TMEM232: variants seen among roughly 807,000 people sequenced by gnomAD.
The protein encoded by TMEM232 is transmembrane protein 232.
A neutral mutation model predicts 78.8 loss-of-function variants in TMEM232; 80 were observed. That is an observed-to-expected ratio of 1.01 (90% CI 0.85 to 1.22). TMEM232 has a LOEUF of 1.22. Ranked by LOEUF, TMEM232 falls within the 50% of genes most tolerant of loss-of-function variation. TMEM232 has a pLI of 0.00. For missense variants in TMEM232, 881 were observed against 742.2 expected (o/e 1.19, Z -2.17); for synonymous variants, 297 against 254.3 (o/e 1.17, Z -1.60).
chr5:110,395,666 T>G (rs1755358034), intron 3 of TMEM232, among the ~76,000 whole-genome samples: 1 of 152,178 alleles, frequency 6.6e-6, no homozygotes, highest in South Asian at 2.1e-4. Flanking sequence ...CTTTATAGCA[T>G]TCTACATCCT....
At chr5:110,676,401 CTT>C (rs369628739) in intron 1 of TMEM232, among the ~76,000 whole-genome samples, 8 of 141,786 alleles carry the variant, frequency 5.6e-5, no homozygotes, top group Non-Finnish European at 4.7e-5. Flanking sequence ...GTTCCCTTTT[CTT>C]TTTTTTTTTT....
At chr5:110,587,320 T>C (rs1270996268) in intron 10 of TMEM232, among the ~76,000 whole-genome samples, 1 of 152,028 alleles carries the variant, frequency 6.6e-6, no homozygotes, top group African/African-American at 2.4e-5. Context: ...GCTTATAAAA[T>C]AAACTGTTAG....
chr5:110,433,166 C>T (rs1259176585), intron 12 of TMEM232, among the ~76,000 whole-genome samples: 2 of 151,744 alleles, frequency 1.3e-5, no homozygotes, highest in African/African-American at 2.4e-5. Flanking sequence ...CACCCAACAA[C>T]GACAGAATAG....
chr5:110,517,792 T>C (rs372721460), intron 12 of TMEM232, among the ~76,000 whole-genome samples: 1 of 152,156 alleles, frequency 6.6e-6, no homozygotes, highest in Non-Finnish European at 1.5e-5. Flanking sequence ...GCAGATAGCA[T>C]TTTTTCTAAG....
At chr5:110,489,340 A>G (rs868649816) in intron 12 of TMEM232, among the ~76,000 whole-genome samples, 1 of 152,076 alleles carries the variant, frequency 6.6e-6, no homozygotes, top group Non-Finnish European at 1.5e-5. Flanking sequence ...AGTTTATCCC[A>G]GGAATGAAAG....
chr5:110,668,883 G>A (rs923085706), intron 1 of TMEM232, among the ~76,000 whole-genome samples: 7 of 152,124 alleles, frequency 4.6e-5, no homozygotes, highest in Admixed American at 3.9e-4. Flanking sequence ...TGATTACTGG[G>A]TACATAACGA....
rs546592723 is a variant in TMEM232, at chr5:110,575,808, T to C, written c.1277-7183A>G. On this transcript the variant is annotated intron_variant, in intron 10 of 13. Transcript: ENST00000455884. ...TCTTTGCAACCCTCAGGTCAGGAGA[T>C]ACATCATGAATCCCCTCCACCAGGG... 7.9e-5 allele frequency among the ~76,000 whole-genome samples: 12 copies of C among 152,110 alleles called. No individual in the cohort carries two copies. The South Asian group carries it at 2.3e-3, about 29-fold the overall frequency.
intron 12 of TMEM232, among the ~76,000 whole-genome samples, chr5:110,480,294 A>G (rs1026566719): frequency 6.6e-6 from 1 of 151,940 alleles, no homozygotes; most frequent in African/African-American, 2.4e-5. Context: ...TTCATCTTTT[A>G]CTAAAATAGT....
intron 3 of TMEM232, among the ~76,000 whole-genome samples, chr5:110,391,326 T>TGTGAGA (rs549361387): frequency 3.0e-4 from 42 of 139,920 alleles, no homozygotes; most frequent in Admixed American, 1.2e-3. Flanking sequence ...TGTGTGTGTG[T>TGTGAGA]GAGAGAGAGA....
chr5:110,677,832 T>C (rs921600332), intron 1 of TMEM232, among the ~76,000 whole-genome samples: 9 of 152,324 alleles, frequency 5.9e-5, no homozygotes, highest in Admixed American at 5.2e-4. Flanking sequence ...ATTCCCATCA[T>C]CATACTTAGG....
chr5:110,675,434 C>G (rs1001564843), intron 1 of TMEM232, among the ~76,000 whole-genome samples: 2 of 152,066 alleles, frequency 1.3e-5, no homozygotes, highest in Admixed American at 6.6e-5. Context: ...GAGTTTACAC[C>G]AGAAACCTAG....
chr5:110,486,528 T>C (rs1042972338), intron 12 of TMEM232, among the ~76,000 whole-genome samples: 4 of 152,154 alleles, frequency 2.6e-5, no homozygotes, highest in African/African-American at 4.8e-5. Context: ...TTCATTCTCC[T>C]ACATGTGGCT....
intron 1 of TMEM232, among the ~76,000 whole-genome samples, chr5:110,670,874 C>A (rs73228133): frequency 6.6e-6 from 1 of 151,836 alleles, no homozygotes; most frequent in Admixed American, 6.6e-5. Context: ...AAGAACAATA[C>A]TCAATAAGTA....
chr5:110,461,526 T>C (rs1418743229), intron 12 of TMEM232, among the ~76,000 whole-genome samples: 2 of 152,234 alleles, frequency 1.3e-5, no homozygotes, highest in African/African-American at 4.8e-5. Context: ...ATCCAAAGGA[T>C]ATAGCTAAGA....
downstream of TMEM232, among the ~76,000 whole-genome samples, chr5:110,415,273 T>C (rs918565372): frequency 4.0e-5 from 6 of 151,796 alleles, no homozygotes; most frequent in South Asian, 2.1e-4. Context: ...CTGCAAGCTC[T>C]GCCTCCCAGG....
intron 10 of TMEM232, among the ~76,000 whole-genome samples, chr5:110,580,633 C>A (rs1778097074): frequency 1.3e-5 from 2 of 151,498 alleles, no homozygotes; most frequent in Non-Finnish European, 3.0e-5. Context: ...ATAAGGATGA[C>A]AACCAGACAG....
Position 110,419,560 on chromosome 5 carries a change from A to G in TMEM232, c.*1020T>C, listed in dbSNP as rs369900697. ...ATTTAAAAGCTTCTTGAAAGGCTGG[A>G]TGATTTTACAATACTGACATACATT... is the stretch of plus-strand genomic sequence containing the variant. On this transcript the variant is annotated 3_prime_UTR_variant, in exon 14 of 14. Coordinates refer to ENST00000455884, the MANE Select transcript of TMEM232 (RefSeq NM_001039763.4). Among the ~76,000 whole-genome samples, 3 of 152,148 alleles carry G rather than the reference A, an allele frequency of 2.0e-5. No individual in the cohort carries two copies. Among genetic ancestry groups the G allele is most frequent in the African/African-American group, 7.2e-5 (3 of 41,452 alleles).
intron 2 of TMEM232, among the ~76,000 whole-genome samples, chr5:110,408,281 A>G (rs1183832271): frequency 6.6e-6 from 1 of 152,130 alleles, no homozygotes; most frequent in African/African-American, 2.4e-5. Flanking sequence ...GCAGAAATAA[A>G]TGAAACTGAG....
intron 11 of TMEM232, among the ~76,000 whole-genome samples, chr5:110,543,704 G>C (rs1773440733): frequency 6.6e-6 from 1 of 152,068 alleles, no homozygotes; most frequent in Non-Finnish European, 1.5e-5. Flanking sequence ...GTGCCTTTCA[G>C]GTCTTCCCTA....
Sources: allele counts gnomAD v4.1 joint callset (sites outside exome capture counted in the v4.1 genomes callset), GRCh38; gene constraint gnomAD v4.1.1; transcripts MANE v1.5; gene names NCBI Gene and HGNC (gene_info 2026-07-23, HGNC 2026-07-21).